SLC9A8: variants seen among roughly 807,000 people sequenced by gnomAD.
SLC9A8 encodes the protein sodium/hydrogen exchanger 8.
SLC9A8 carries 48 observed loss-of-function variants against 66.6 expected under a neutral mutation model. The ratio of observed to expected loss-of-function variants is 0.72; its 90% CI spans 0.57 to 0.92. The LOEUF (loss-of-function observed/expected upper bound fraction) is 0.92, where lower values mean the gene tolerates loss of function less well. Ranked by LOEUF, SLC9A8 falls within the 40% of genes least tolerant of loss-of-function variation. The probability of loss-of-function intolerance (pLI) is 0.00; values close to 1 mark genes in which losing one functional copy is unlikely to be tolerated. For missense variants in SLC9A8, 599 were observed against 747.3 expected (o/e 0.80, Z 2.31); for synonymous variants, 274 against 282.6 (o/e 0.97, Z 0.31).
chr20:49,841,340 G>T (rs1311236302), intron 4 of SLC9A8, among the ~76,000 whole-genome samples: 1 of 151,446 alleles, frequency 6.6e-6, no homozygotes, highest in Non-Finnish European at 1.5e-5. Flanking sequence ...GTTGGGGCAG[G>T]CTTCCTGGAG....
intron 4 of SLC9A8, among the ~76,000 whole-genome samples, chr20:49,843,339 T>G (rs891201103): frequency 1.3e-5 from 2 of 152,194 alleles, no homozygotes; most frequent in African/African-American, 2.4e-5. Context: ...AGCTTGAGCT[T>G]GTTGTACATG....
chr20:49,857,379 A>G (rs1228723883), intron 8 of SLC9A8, among the ~76,000 whole-genome samples: 1 of 152,240 alleles, frequency 6.6e-6, no homozygotes, highest in Non-Finnish European at 1.5e-5. Flanking sequence ...TGTTGGAATA[A>G]AATGCCTCAG....
intron 10 of SLC9A8, among the ~76,000 whole-genome samples, chr20:49,872,609 C>CAG: frequency 6.6e-6 from 1 of 152,154 alleles, no homozygotes; most frequent in Non-Finnish European, 1.5e-5. Flanking sequence ...CCTCAGCCTC[C>CAG]AGAGTAGCTG....
At chr20:49,829,804 G>T in intron 3 of SLC9A8, 2 of 554,720 alleles carry the variant, frequency 3.6e-6, no homozygotes, top group South Asian at 1.4e-5. Context: ...AAACTCAGGT[G>T]ATGAGAAGTG....
intron 4 of SLC9A8, among the ~76,000 whole-genome samples, chr20:49,841,136 C>T (rs1394116813): frequency 2.0e-5 from 3 of 152,044 alleles, no homozygotes; most frequent in African/African-American, 7.2e-5. Flanking sequence ...GAAACCTCAT[C>T]TCTTCTAAAA....
intron 10 of SLC9A8, among the ~76,000 whole-genome samples, chr20:49,866,533 T>TA (rs1444078101): frequency 7.9e-5 from 12 of 152,344 alleles, no homozygotes; most frequent in Admixed American, 4.6e-4. Flanking sequence ...TATTTTAATT[T>TA]AAAAAAGTTT....
intron 2 of SLC9A8, among the ~76,000 whole-genome samples, chr20:49,820,382 G>A (rs1180050962): frequency 6.6e-6 from 1 of 151,992 alleles, no homozygotes; most frequent in African/African-American, 2.4e-5. Context: ...TATAATCCCA[G>A]CTATTCGGGA....
At position 49,812,948 on chromosome 20, in the gene SLC9A8, A is replaced by C. The variant is rs61734269; in HGVS notation, c.26A>C (p.Glu9Ala). The C allele has an allele frequency of 0.012, 18,039 of 1,445,842 alleles. 152 individuals carry two copies. Among genetic ancestry groups the C allele is most frequent in the Non-Finnish European group, 0.015 (16,008 of 1,099,870 alleles). The allele number at this position is 1,445,842 out of a possible 1,614,324, so 89.6% of individuals were successfully genotyped here. Residue 9 changes from glutamate (E) to alanine (A), a missense_variant and splice_region_variant, in exon 1 of 16, where the codon GAG becomes GCG. Transcript: ENST00000361573. ...ATGGGGGAGAAGATGGCGGAAGAGG[A>C]GTGAGTGGGCTTTTTCCCGGGCGGC... MGEKMAEE[E>A]RFPNTTHEGF...
At chr20:49,876,886 G>T (rs369102015) in intron 11 of SLC9A8, among the ~76,000 whole-genome samples, 13 of 152,078 alleles carry the variant, frequency 8.5e-5, no homozygotes, top group Non-Finnish European at 1.3e-4. Flanking sequence ...GAGAGAAGGG[G>T]GGGTAAATTC....
chr20:49,834,024 G>A (rs1040870590), intron 3 of SLC9A8, among the ~76,000 whole-genome samples: 5 of 151,460 alleles, frequency 3.3e-5, no homozygotes, highest in African/African-American at 4.9e-5. Context: ...TGAGACAGGC[G>A]GATCACCTGA....
At chr20:49,835,162 C>T (rs1399415942) in intron 3 of SLC9A8, among the ~76,000 whole-genome samples, 1 of 149,364 alleles carries the variant, frequency 6.7e-6, no homozygotes, top group African/African-American at 2.5e-5. Context: ...TTTGTAGTCT[C>T]TGGATCTGCC....
At chr20:49,828,020 G>A (rs73123859) in intron 3 of SLC9A8, among the ~76,000 whole-genome samples, 5 of 148,922 alleles carry the variant, frequency 3.4e-5, no homozygotes, top group Admixed American at 2.7e-4. Context: ...AGAATTTGTC[G>A]AGCAGGCTTT....
chr20:49,822,389 C>G (rs946319366), intron 2 of SLC9A8, among the ~76,000 whole-genome samples: 3 of 152,164 alleles, frequency 2.0e-5, no homozygotes, highest in African/African-American at 7.2e-5. Flanking sequence ...ATATAGTGTT[C>G]CAGTTGATAA....
At chr20:49,885,289 C>T (rs1337335329) in intron 14 of SLC9A8, among the ~76,000 whole-genome samples, 2 of 152,218 alleles carry the variant, frequency 1.3e-5, no homozygotes, top group Admixed American at 6.5e-5. Flanking sequence ...ACACCAGCAT[C>T]TCATAGGTAT....
intron 3 of SLC9A8, chr20:49,830,318 C>T (rs1465516594): frequency 9.2e-7 from 1 of 1,089,702 alleles, no homozygotes; most frequent in South Asian, 1.2e-5. Flanking sequence ...TCTGGAACCG[C>T]ACTGCCAAGA....
chr20:49,828,072 A>AT lies in SLC9A8; in HGVS notation c.289+4931_289+4932insT, dbSNP rs1568799844. Reference sequence around the variant, plus strand: ...AGCCCCCGTACCCCCACCAAAAAAAAATTTTTTTTTTTTTTTTTTTTTTTT... The same window carrying AT: ...AGCCCCCGTACCCCCACCAAAAAAAATATTTTTTTTTTTTTTTTTTTTTTTT... On this transcript the variant is annotated intron_variant, in intron 3 of 15. Transcript: ENST00000361573. Among the ~76,000 whole-genome samples the AT allele has an allele frequency of 2.3e-3, 331 of 143,090 alleles. 1 individual carries two copies. Among genetic ancestry groups the AT allele is most frequent in the African/African-American group, 8.1e-3 (306 of 37,730 alleles). 93.9% of individuals were successfully genotyped at this position (143,090 alleles called of 152,430 possible).
intron 6 of SLC9A8, 158 bp from the exon 7 acceptor site, chr20:49,850,652 A>G (rs1398539079): frequency 2.5e-6 from 2 of 802,976 alleles, no homozygotes; most frequent in Admixed American, 3.1e-5. Flanking sequence ...GCATGTTTCA[A>G]CTAAGGCTTA....
At position 49,839,654 on chromosome 20, in the gene SLC9A8, C is replaced by CT. The variant is rs2087684144; in HGVS notation, c.348+61dup. The CT allele has an allele frequency of 5.3e-6, 6 of 1,138,586 alleles. No homozygotes were observed. In the Admixed American group the frequency reaches 7.9e-5, roughly 15 times the overall value. The allele number at this position is 1,138,586 out of a possible 1,614,324, so 70.5% of individuals were successfully genotyped here. ...TTAGTAACATTGATCATTATGCTGG[C>CT]TTTTTTGTAATTACTTGGCTATCAG... On this transcript the variant is annotated intron_variant, in intron 4 of 15. Coordinates refer to ENST00000361573, the MANE Select transcript of SLC9A8 (RefSeq NM_015266.3).
Position 49,888,277 on chromosome 20 carries a change from C to T in SLC9A8, c.*341C>T. 1 of 298,628 alleles carries T rather than the reference C, an allele frequency of 3.3e-6. No homozygotes were observed. Among genetic ancestry groups the T allele is most frequent in the Non-Finnish European group, 6.5e-6 (1 of 153,234 alleles). 18.5% of individuals were successfully genotyped at this position (298,628 alleles called of 1,614,324 possible). A position where few individuals can be genotyped will look rare whatever the true frequency, so the allele number is the denominator to read the frequency against. On this transcript the variant is annotated 3_prime_UTR_variant, in exon 16 of 16. Coordinates refer to ENST00000361573, the MANE Select transcript of SLC9A8 (RefSeq NM_015266.3). ...CCCACCCGGAGGACCCCTGCGGCCC[C>T]CTGCCTAGAGGAGCACCATCTACAG...
Sources: allele counts gnomAD v4.1 joint callset (sites outside exome capture counted in the v4.1 genomes callset), GRCh38; gene constraint gnomAD v4.1.1; transcripts MANE v1.5; gene names NCBI Gene and HGNC (gene_info 2026-07-23, HGNC 2026-07-21).